The following EVI5 variants were observed in gnomAD, a reference collection of about 807,000 sequenced individuals.
EVI5 encodes the protein ecotropic viral integration site 5 protein homolog.
A neutral mutation model predicts 112.0 loss-of-function variants in EVI5; 73 were observed. That is an observed-to-expected ratio of 0.65 (90% confidence interval 0.54 to 0.79). The LOEUF is 0.79. EVI5 is among the 30% of genes least tolerant of loss of function. The pLI is 0.00. For missense variants in EVI5, 900 were observed against 968.8 expected (o/e 0.93, Z 0.94); for synonymous variants, 305 against 319.9 (o/e 0.95, Z 0.50).
chr1:92,591,064 G>C (rs1673778288), intron 18 of EVI5, among the ~76,000 whole-genome samples: 1 of 152,196 alleles, frequency 6.6e-6, no homozygotes, highest in Admixed American at 6.5e-5. Context: ...AGCAAATGCT[G>C]AGAGACTTTG....
At chr1:92,585,876 A>G (rs1400690246) in intron 18 of EVI5, among the ~76,000 whole-genome samples, 1 of 150,374 alleles carries the variant, frequency 6.7e-6, no homozygotes, top group Non-Finnish European at 1.5e-5. Context: ...CTGTTTCTAG[A>G]ATTCTATCCA....
chr1:92,611,849 T>C (rs1487475562), intron 16 of EVI5, among the ~76,000 whole-genome samples: 1 of 151,438 alleles, frequency 6.6e-6, no homozygotes, highest in Non-Finnish European at 1.5e-5. Flanking sequence ...CTTGAGGCTG[T>C]AGTGAGATAC....
upstream of EVI5, among the ~76,000 whole-genome samples, chr1:92,787,718 C>T (rs1426633765): frequency 2.1e-5 from 3 of 144,738 alleles, no homozygotes; most frequent in Non-Finnish European, 3.0e-5. Context: ...CCAGCCTGGG[C>T]GACAGAGAAA....
chr1:92,518,506 C>G (rs916147013), intron 19 of EVI5, among the ~76,000 whole-genome samples: 4 of 152,080 alleles, frequency 2.6e-5, no homozygotes, highest in Admixed American at 2.0e-4. Flanking sequence ...CAATGAAGGT[C>G]AACAAGTCCT....
chr1:92,683,281 G>A (rs1279144806), intron 9 of EVI5, among the ~76,000 whole-genome samples: 1 of 152,174 alleles, frequency 6.6e-6, no homozygotes, highest in Non-Finnish European at 1.5e-5. Flanking sequence ...AGGGTCTGGA[G>A]TGGACCTCCA....
chr1:92,597,072 AC>A (rs1488707094), intron 18 of EVI5, among the ~76,000 whole-genome samples: 1 of 152,186 alleles, frequency 6.6e-6, no homozygotes, highest in Non-Finnish European at 1.5e-5. Context: ...ACATTAAAAA[AC>A]TTGTCAAAGA....
chr1:92,770,870 T>C (rs1683325146), intron 1 of EVI5, among the ~76,000 whole-genome samples: 1 of 151,712 alleles, frequency 6.6e-6, no homozygotes, highest in African/African-American at 2.4e-5. Context: ...AACTGGAATG[T>C]AATGGCCCGA....
intron 1 of EVI5, among the ~76,000 whole-genome samples, chr1:92,738,109 T>A (rs1677745836): frequency 6.6e-6 from 1 of 152,098 alleles, no homozygotes; most frequent in Admixed American, 6.6e-5. Context: ...TCCTGTCAAC[T>A]CATAGATGAA....
At chr1:92,534,990 T>C (rs1261460666) in intron 19 of EVI5, among the ~76,000 whole-genome samples, 1 of 151,992 alleles carries the variant, frequency 6.6e-6, no homozygotes, top group Non-Finnish European at 1.5e-5. Context: ...AAAGGCAACA[T>C]ACAGAATGGG....
At chr1:92,516,563 T>C (rs1659919956) in intron 19 of EVI5, among the ~76,000 whole-genome samples, 1 of 152,178 alleles carries the variant, frequency 6.6e-6, no homozygotes, top group South Asian at 2.1e-4. Flanking sequence ...GTGTGCACAC[T>C]GGATCTGATG....
intron 13 of EVI5, among the ~76,000 whole-genome samples, chr1:92,651,600 C>G (rs2102053211): frequency 6.6e-6 from 1 of 152,036 alleles, no homozygotes; most frequent in Non-Finnish European, 1.5e-5. Flanking sequence ...GCCTGTAATC[C>G]CAGCACTTTG....
chr1:92,539,783 G>GT (rs1664511921), intron 19 of EVI5, among the ~76,000 whole-genome samples: 1 of 152,040 alleles, frequency 6.6e-6, no homozygotes, highest in South Asian at 2.1e-4. Context: ...ATAGAGTTGT[G>GT]CAACCATCAC....
chr1:92,716,315 C>G (rs189309252), intron 2 of EVI5, among the ~76,000 whole-genome samples: 1 of 152,130 alleles, frequency 6.6e-6, no homozygotes, highest in Non-Finnish European at 1.5e-5. Context: ...GCTGGTGATA[C>G]CCAGGCAAAC....
intron 15 of EVI5, 72 bp from the exon 16 acceptor site, chr1:92,624,406 T>C: frequency 8.1e-7 from 1 of 1,240,790 alleles, no homozygotes; most frequent in African/African-American, 1.5e-5. Flanking sequence ...ACTGAGCGCT[T>C]ATTTCAGGCC....
Position 92,650,924 on chromosome 1 carries a change from A to G in EVI5, c.1392+11795T>C, listed in dbSNP as rs186019588. ...CTTCCCAGATCTTCAAATAGTTTCC[A>G]TCTTCATATCATTGAGTCTCTGGTC... is the stretch of plus-strand genomic sequence containing the variant. On this transcript the variant is annotated intron_variant, in intron 13 of 19. Transcript: ENST00000684568. Among the ~76,000 whole-genome samples the G allele has an allele frequency of 4.6e-5, 7 of 152,176 alleles. No homozygotes were observed. In the East Asian group the frequency reaches 5.8e-4, roughly 13 times the overall value.
At chr1:92,714,520 A>G (rs1673319719) in intron 2 of EVI5, among the ~76,000 whole-genome samples, 1 of 152,188 alleles carries the variant, frequency 6.6e-6, no homozygotes, top group Non-Finnish European at 1.5e-5. Context: ...CCCCAGACTT[A>G]CTAGTTGGTG....
At chr1:92,704,404 TAGGGGTACA>T (rs1671664240) in intron 3 of EVI5, 142 bp downstream of exon 3, 1 of 437,360 alleles carries the variant, frequency 2.3e-6, no homozygotes. Flanking sequence ...TTAAAACTTT[TAGGGGTACA>T]AGTAAGTGAA....
At chr1:92,518,244 A>G (rs934760308) in intron 19 of EVI5, among the ~76,000 whole-genome samples, 4 of 152,176 alleles carry the variant, frequency 2.6e-5, no homozygotes, top group Non-Finnish European at 5.9e-5. Context: ...TTTTGAATAC[A>G]TACTACATGA....
rs112313922 is a variant in EVI5 at position 92,743,215 on chromosome 1, C to T, written c.-81-6588G>A. ...TAAAAATACAAAAATTAGCTGGGCA[C>T]GGTGGCGAGCGCCTGTAATCCCAGC... On this transcript the variant is annotated intron_variant, in intron 1 of 19. Transcript: ENST00000684568. Among the ~76,000 whole-genome samples, 600 of 152,002 alleles carry T rather than the reference C, an allele frequency of 3.9e-3. 2 individuals are homozygous for T. The highest frequency in any genetic ancestry group is 0.033 in the South Asian group (157 of 4,814).
Sources: gnomAD v4.1 joint callset for allele counts (sites outside exome capture counted in the v4.1 genomes callset) on GRCh38, gnomAD v4.1.1 for gene constraint, MANE v1.5 for transcripts, NCBI Gene and HGNC (gene_info 2026-07-23, HGNC 2026-07-21) for gene names.